The following SLC44A5 variants were observed in gnomAD, a reference collection of about 807,000 sequenced individuals.
SLC44A5 encodes choline transporter-like protein 5.
A neutral mutation model predicts 101.8 loss-of-function variants in SLC44A5; 57 were observed. The ratio of observed to expected loss-of-function variants is 0.56; its 90% confidence interval spans 0.45 to 0.70. The LOEUF is 0.70. Among genes scored for constraint, SLC44A5 ranks in the 30% least tolerant of loss-of-function variants. The pLI, the probability that SLC44A5 is intolerant of heterozygous loss-of-function variation, is 0.00. For missense variants in SLC44A5, 737 were observed against 853.1 expected (o/e 0.86, Z 1.70); for synonymous variants, 281 against 290.9 (o/e 0.97, Z 0.35).
chr1:75,375,528 A>G (rs1221782395), intron 3 of SLC44A5, among the ~76,000 whole-genome samples: 2 of 152,198 alleles, frequency 1.3e-5, no homozygotes, highest in Non-Finnish European at 2.9e-5. Flanking sequence ...CTCAAGACAC[A>G]TAATCATCAG....
intron 3 of SLC44A5, among the ~76,000 whole-genome samples, chr1:75,375,643 T>C (rs1660531103): frequency 6.6e-6 from 1 of 152,172 alleles, no homozygotes; most frequent in Non-Finnish European, 1.5e-5. Flanking sequence ...AGGTGAACAG[T>C]GGACTTCTCA....
chr1:75,271,391 T>G (rs1014727053), intron 6 of SLC44A5, among the ~76,000 whole-genome samples: 10 of 151,948 alleles, frequency 6.6e-5, no homozygotes, highest in Non-Finnish European at 2.9e-5. Flanking sequence ...CGCACCCATC[T>G]CTTGAGCAGT....
intron 2 of SLC44A5, among the ~76,000 whole-genome samples, chr1:75,463,012 G>A (rs1666590967): frequency 1.3e-5 from 2 of 152,232 alleles, no homozygotes; most frequent in Non-Finnish European, 2.9e-5. Context: ...CCCAAACCTG[G>A]AGAAAGATAT....
chr1:75,567,776 C>A (rs1394504210), intron 1 of SLC44A5, among the ~76,000 whole-genome samples: 1 of 152,108 alleles, frequency 6.6e-6, no homozygotes, highest in African/African-American at 2.4e-5. Flanking sequence ...GGAAGGGGAA[C>A]AAAGGCCAGT....
intron 1 of SLC44A5, among the ~76,000 whole-genome samples, chr1:75,607,069 G>T (rs999265626): frequency 1.4e-4 from 22 of 151,906 alleles, no homozygotes; most frequent in Non-Finnish European, 2.9e-4. Flanking sequence ...CAAGACTCCA[G>T]ACTTACATAT....
chr1:75,281,453 C>T (rs1201086238), intron 5 of SLC44A5, among the ~76,000 whole-genome samples: 1 of 151,942 alleles, frequency 6.6e-6, no homozygotes, highest in African/African-American at 2.4e-5. Flanking sequence ...AAAAGAAAAA[C>T]CCATTTTCTG....
intron 2 of SLC44A5, among the ~76,000 whole-genome samples, chr1:75,415,676 G>A (rs187955553): frequency 6.6e-6 from 1 of 152,186 alleles, no homozygotes; most frequent in African/African-American, 2.4e-5. Flanking sequence ...GAGATTTGTT[G>A]AATGGCTCTG....
chr1:75,398,015 C>T (rs1166197470), intron 2 of SLC44A5, among the ~76,000 whole-genome samples: 1 of 152,048 alleles, frequency 6.6e-6, no homozygotes, highest in Non-Finnish European at 1.5e-5. Flanking sequence ...ATAAAATGGC[C>T]ATCCCTTGCT....
chr1:75,424,019 G>A (rs910257252), intron 2 of SLC44A5, among the ~76,000 whole-genome samples: 2 of 152,134 alleles, frequency 1.3e-5, no homozygotes, highest in African/African-American at 2.4e-5. Context: ...TCTTTCCACC[G>A]CTGGAATTAA....
intron 1 of SLC44A5, among the ~76,000 whole-genome samples, chr1:75,569,265 G>T (rs1226821626): frequency 3.8e-4 from 53 of 137,790 alleles, no homozygotes; most frequent in African/African-American, 1.3e-3. Context: ...TTTTGAGACA[G>T]GGTCTCTGTT....
intron 2 of SLC44A5, among the ~76,000 whole-genome samples, chr1:75,533,416 C>A (rs1208188197): frequency 6.6e-6 from 1 of 152,094 alleles, no homozygotes; most frequent in African/African-American, 2.4e-5. Context: ...TTACATTTTA[C>A]AAATAACCCA....
At chr1:75,211,832 T>C (rs890333446) in intron 22 of SLC44A5, among the ~76,000 whole-genome samples, 2 of 151,302 alleles carry the variant, frequency 1.3e-5, no homozygotes, top group African/African-American at 4.9e-5. Flanking sequence ...TCTTTTCTTT[T>C]CTTTTTTTTC....
intron 2 of SLC44A5, among the ~76,000 whole-genome samples, chr1:75,475,476 T>C (rs544235963): frequency 1.3e-5 from 2 of 152,366 alleles, no homozygotes; most frequent in Non-Finnish European, 2.9e-5. Flanking sequence ...ATCTATTTTC[T>C]TCCGATATTT....
chr1:75,334,254 A>G (rs1374652735), intron 4 of SLC44A5, among the ~76,000 whole-genome samples: 1 of 152,202 alleles, frequency 6.6e-6, no homozygotes, highest in Non-Finnish European at 1.5e-5. Flanking sequence ...CTGAGCTGAG[A>G]AAAGTCTCTG....
At chr1:75,242,155 T>C in intron 8 of SLC44A5, 94 bp from the exon 9 acceptor site, 3 of 852,588 alleles carry the variant, frequency 3.5e-6, no homozygotes, top group South Asian at 1.7e-5. Context: ...TTTAACTCCA[T>C]AATAATCTCC....
At chr1:75,477,980 A>G (rs1023325227) in intron 2 of SLC44A5, among the ~76,000 whole-genome samples, 2 of 152,154 alleles carry the variant, frequency 1.3e-5, no homozygotes, top group African/African-American at 4.8e-5. Context: ...ATGAAGGAAA[A>G]AATGTTAAGG....
intron 5 of SLC44A5, among the ~76,000 whole-genome samples, chr1:75,292,280 ATCT>A (rs1376215809): frequency 3.3e-5 from 5 of 152,136 alleles, no homozygotes; most frequent in Admixed American, 1.3e-4. Flanking sequence ...AATTAGCCAC[ATCT>A]TCTTGCTTTA....
intron 1 of SLC44A5, among the ~76,000 whole-genome samples, chr1:75,569,927 A>ATTC (rs1672986009): frequency 1.3e-5 from 2 of 152,206 alleles, no homozygotes; most frequent in South Asian, 2.1e-4. Flanking sequence ...AATGCAGGAG[A>ATTC]TTCAATAAAG....
upstream of SLC44A5, among the ~76,000 whole-genome samples, chr1:75,614,683 A>T (rs1178303756): frequency 6.6e-6 from 1 of 152,128 alleles, no homozygotes; most frequent in Non-Finnish European, 1.5e-5. Flanking sequence ...TTCTCATCTG[A>T]GTTCCTGTCC....
Sources: allele counts gnomAD v4.1 joint callset (sites outside exome capture counted in the v4.1 genomes callset), GRCh38; gene constraint gnomAD v4.1.1; transcripts MANE v1.5; gene names NCBI Gene and HGNC (gene_info 2026-07-23, HGNC 2026-07-21).